MYO10: variants seen among roughly 807,000 people sequenced by gnomAD.
MYO10 encodes myosin X.
In MYO10, 133 loss-of-function variants were observed where a neutral mutation model predicts 257.3. The observed-to-expected ratio is 0.52, with a 90% confidence interval of 0.45 to 0.60. The LOEUF is 0.60. MYO10 is among the 20% of genes least tolerant of loss of function. The pLI, the probability that MYO10 is intolerant of heterozygous loss-of-function variation, is 0.00. For synonymous variants in MYO10, 1,104 were observed against 1,028.6 expected (o/e 1.07, Z -1.40); for missense variants, 2,399 against 2,635.7 (o/e 0.91, Z 1.97).
At chr5:16,885,631 C>A (rs1744875909) in intron 1 of MYO10, among the ~76,000 whole-genome samples, 1 of 151,774 alleles carries the variant, frequency 6.6e-6, no homozygotes, top group African/African-American at 2.4e-5. Flanking sequence ...AAGATCATAC[C>A]ACTGCACTCC....
At chr5:16,824,810 T>C (rs917719262) in intron 2 of MYO10, among the ~76,000 whole-genome samples, 5 of 152,084 alleles carry the variant, frequency 3.3e-5, no homozygotes, top group Non-Finnish European at 7.3e-5. Context: ...GAGGTTGCAG[T>C]GAGCCAAGAT....
chr5:16,906,135 A>C (rs564716094), intron 1 of MYO10, among the ~76,000 whole-genome samples: 12 of 152,294 alleles, frequency 7.9e-5, no homozygotes, highest in Non-Finnish European at 1.5e-4. Flanking sequence ...GCCTGGCAGG[A>C]CGGCTGCTAT....
At chr5:16,735,889 C>T (rs1739776634) in intron 19 of MYO10, among the ~76,000 whole-genome samples, 2 of 152,114 alleles carry the variant, frequency 1.3e-5, no homozygotes. Context: ...TCTCTTCACT[C>T]TTTCCTACAT....
rs73053083 is a variant in MYO10 at position 16,781,645 on chromosome 5, G to A, written c.727+60C>T. The A allele has an allele frequency of 1.3e-3, 1,992 of 1,492,506 alleles. 27 individuals are homozygous for A. In the African/African-American group the frequency reaches 0.024, roughly 18 times the overall value. 92.5% of individuals were successfully genotyped at this position (1,492,506 alleles called of 1,614,324 possible). A position where few individuals can be genotyped will look rare whatever the true frequency, so the allele number is the denominator to read the frequency against. On this transcript the variant is annotated intron_variant, in intron 6 of 40. Transcript: ENST00000513610. The stretch of plus-strand genomic sequence containing the variant: ...TTCTTTTTCAATCCTTATAATTAGT[G>A]AGAACAGTTTCCACTTAGAGAATCA...
chr5:16,687,850 CAT>C (rs549466719), intron 28 of MYO10, among the ~76,000 whole-genome samples: 161 of 152,254 alleles, frequency 1.1e-3, no homozygotes, highest in African/African-American at 3.8e-3. Context: ...TTGAAAAAGA[CAT>C]ACATTCAAGT....
Position 16,701,215 on chromosome 5 carries a change from G to A in MYO10, c.3180C>T (p.Ser1060=), listed in dbSNP as rs373686085. Residue 1060 remains serine, a synonymous_variant, in exon 25 of 41, where the codon TCC becomes TCT. Transcript: ENST00000513610. The surrounding 1 kb of genome is among the most constrained non-coding windows in gnomAD (Gnocchi z 8.1). ...CGCTGGAGGAGTTGTGTAGGCTCCC[G>A]GAGTCCTGCACTGATGGGGCGAGCA... The part of the protein sequence containing the change: ...TVLLAPSVQD[S]GSLHNSSSGE... 12 of 1,611,674 alleles carry A rather than the reference G, an allele frequency of 7.4e-6. No individual in the cohort carries two copies. The highest frequency in any genetic ancestry group is 4.4e-5 in the South Asian group (4 of 90,586).
intron 33 of MYO10, among the ~76,000 whole-genome samples, chr5:16,677,416 CTTTTTT>C (rs796474728): frequency 0.012 from 1,410 of 119,400 alleles, 32 homozygotes; most frequent in African/African-American, 0.04. Context: ...GTAACTTGAC[CTTTTTT>C]TTTTTTTTTT....
chr5:16,776,289 T>C (rs1741209371), intron 9 of MYO10, among the ~76,000 whole-genome samples: 1 of 150,936 alleles, frequency 6.6e-6, no homozygotes, highest in South Asian at 2.1e-4. Flanking sequence ...TCCCAAAAGT[T>C]ACACTTTTTT....
chr5:16,726,581 C>T (rs1030313312), intron 19 of MYO10, among the ~76,000 whole-genome samples: 10 of 152,166 alleles, frequency 6.6e-5, no homozygotes, highest in Admixed American at 1.3e-4. Flanking sequence ...ACAGCCAAGC[C>T]AGCACTAAGC....
At chr5:16,751,937 C>G (rs988375088) in intron 19 of MYO10, among the ~76,000 whole-genome samples, 1 of 152,122 alleles carries the variant, frequency 6.6e-6, no homozygotes, top group African/African-American at 2.4e-5. Context: ...TTTCTAAATG[C>G]AAAATTCAAA....
chr5:16,869,123 C>A (rs1253574535), intron 2 of MYO10, among the ~76,000 whole-genome samples: 1 of 151,886 alleles, frequency 6.6e-6, no homozygotes, highest in Non-Finnish European at 1.5e-5. Flanking sequence ...CTCCCAGGTT[C>A]ACGCCATTCT....
chr5:16,675,109 T>A lies in MYO10; in HGVS notation c.4708A>T (p.Ile1570Phe). Residue 1570 changes from isoleucine (I) to phenylalanine (F), a missense_variant, in exon 35 of 41, where the codon ATC becomes TTC. Physicochemically the swap from Ile to Phe is conservative, Grantham distance 21. Transcript: ENST00000513610. ...TGCTGCAGGGAATTGAATATCTTGA[T>A]GGCCTCATCCTGAAGGGTGGTATAG... ...KGYTTLQDEA[I>F]KIFNSLQQLE... 6.2e-7 allele frequency: 1 copy of A among 1,613,984 alleles called. No individual in the cohort carries two copies. The highest frequency in any genetic ancestry group is 8.5e-7 in the Non-Finnish European group (1 of 1,179,892).
At chr5:16,818,203 C>T in intron 2 of MYO10, 36 bp from the exon 3 acceptor site, 9 of 1,415,604 alleles carry the variant, frequency 6.4e-6, no homozygotes, top group Admixed American at 2.3e-5. Flanking sequence ...ATTTCATTAT[C>T]AGCAGTAAGT....
chr5:16,715,431 G>A (rs1230503393), intron 19 of MYO10, among the ~76,000 whole-genome samples: 9 of 111,152 alleles, frequency 8.1e-5, no homozygotes, highest in African/African-American at 1.8e-4. Context: ...ACAGGGTCTC[G>A]CTGGGATTAC....
chr5:16,797,249 T>C (rs1741998003), intron 3 of MYO10, among the ~76,000 whole-genome samples: 1 of 152,158 alleles, frequency 6.6e-6, no homozygotes, highest in Non-Finnish European at 1.5e-5. Context: ...CATGGGGGCA[T>C]TTCAGATTTC....
At chr5:16,811,018 G>A (rs185694742) in intron 3 of MYO10, among the ~76,000 whole-genome samples, 1,869 of 141,226 alleles carry the variant, frequency 0.013, 16 homozygotes, top group Middle Eastern at 0.027. Context: ...GCAGTGAGCC[G>A]ACATGGCACC....
chr5:16,852,340 G>C (rs1005102693), intron 2 of MYO10, among the ~76,000 whole-genome samples: 3 of 151,826 alleles, frequency 2.0e-5, no homozygotes, highest in Non-Finnish European at 2.9e-5. Context: ...CTTAATCGTA[G>C]ATGTATAGAA....
In MYO10 at chr5:16,675,100, A is replaced by C; in HGVS notation, c.4717T>G (p.Phe1573Val). 1.2e-6 allele frequency: 2 copies of C among 1,613,998 alleles called. No individual in the cohort carries two copies. Among genetic ancestry groups the C allele is most frequent in the South Asian group, 1.1e-5 (1 of 91,082 alleles). ...TTLQDEAIKIFNSLQQLESMS... is the reference protein window; with the variant it reads ...TTLQDEAIKIVNSLQQLESMS... ...GACTCCAGTTGCTGCAGGGAATTGA[A>C]TATCTTGATGGCCTCATCCTGAAGG... Residue 1573 changes from phenylalanine to valine, a missense_variant, in exon 35 of 41, where the codon TTC (phenylalanine) becomes GTC (valine). This residue lies in a region of MYO10 where 1,820 missense variants were observed against 1,939.4 expected (regional missense o/e 0.94). Coordinates refer to ENST00000513610, the MANE Select transcript of MYO10 (RefSeq NM_012334.3).
intron 3 of MYO10, among the ~76,000 whole-genome samples, chr5:16,808,283 C>CA (rs1374634818): frequency 1.3e-5 from 2 of 152,058 alleles, no homozygotes; most frequent in African/African-American, 4.8e-5. Flanking sequence ...AGCAACACGA[C>CA]AAGCCTCCAT....
Sources: gnomAD v4.1 joint callset for allele counts (sites outside exome capture counted in the v4.1 genomes callset) on GRCh38, gnomAD v4.1.1 for gene constraint, gnomAD v4.1.1 regional missense constraint, Gnocchi (gnomAD v3.1) non-coding constraint, MANE v1.5 for transcripts, NCBI Gene and HGNC (gene_info 2026-07-23, HGNC 2026-07-21) for gene names.